Variants in PITPNM2 observed in about 807,000 individuals in gnomAD.
PITPNM2 encodes the protein phosphatidylinositol transfer protein membrane associated 2, also known as membrane-associated phosphatidylinositol transfer protein 2.
Under a neutral mutation model 132.2 loss-of-function variants are expected in PITPNM2, and 35 were observed. The observed-to-expected ratio is 0.26, with a 90% CI of 0.20 to 0.35. The LOEUF is 0.35. Among genes scored for constraint, PITPNM2 ranks in the 10% least tolerant of loss-of-function variants. PITPNM2 has a pLI of 1.00. For synonymous variants in PITPNM2, 738 were observed against 799.2 expected (o/e 0.92, Z 1.29); for missense variants, 1,332 against 1,912.0 (o/e 0.70, Z 5.66).
chr12:123,149,349 C>A (rs896577774), intron 1 of PITPNM2, among the ~76,000 whole-genome samples: 5 of 152,232 alleles, frequency 3.3e-5, no homozygotes, highest in Admixed American at 6.5e-5. Context: ...TGGCAAGCCA[C>A]TCCTTACAAG....
rs2041135007 is a variant in PITPNM2 at position 123,058,944 on chromosome 12, CCAT to C, written c.-95-24262_-95-24260del. Reference sequence around the variant, plus strand: ...CCTCAGCCCCAGCTCCCACCACACCCCATTCCCATTGTCTGGGCCCAAACCATG... The same window carrying C: ...CCTCAGCCCCAGCTCCCACCACACCCTCCCATTGTCTGGGCCCAAACCATG... On this transcript the variant is annotated intron_variant, in intron 2 of 25. Coordinates refer to ENST00000320201, the MANE Select transcript of PITPNM2 (RefSeq NM_020845.3). This position sits in a 1 kb window ranked among gnomAD's most constrained non-coding sequence, Gnocchi z 4.0. Among the ~76,000 whole-genome samples, 1 of 152,200 alleles carries C rather than the reference CCAT, an allele frequency of 6.6e-6. No individual in the cohort carries two copies. Among genetic ancestry groups the C allele is most frequent in the East Asian group, 1.9e-4 (1 of 5,200 alleles).
chr12:123,003,461 A>C (rs969193461), intron 8 of PITPNM2, among the ~76,000 whole-genome samples: 1 of 152,180 alleles, frequency 6.6e-6, no homozygotes, highest in Non-Finnish European at 1.5e-5. Context: ...CGTCCTGGGC[A>C]AGGCTCCTGG....
chr12:123,001,745 T>C (rs1163016980), intron 8 of PITPNM2, among the ~76,000 whole-genome samples: 1 of 152,172 alleles, frequency 6.6e-6, no homozygotes, highest in African/African-American at 2.4e-5. Context: ...AAAAATGCTA[T>C]ATTGACCAGG....
chr12:123,100,095 G>A (rs563797356), intron 2 of PITPNM2, among the ~76,000 whole-genome samples: 5 of 152,334 alleles, frequency 3.3e-5, no homozygotes, highest in Non-Finnish European at 5.9e-5. Context: ...AGAAACTGAG[G>A]TGCAGTGAGT....
At chr12:122,999,506 A>T (rs1258010396) in intron 10 of PITPNM2, among the ~76,000 whole-genome samples, 1 of 152,172 alleles carries the variant, frequency 6.6e-6, no homozygotes, top group African/African-American at 2.4e-5. Flanking sequence ...CAGGGAGGTG[A>T]CATCCAGCGG....
chr12:123,001,290 C>T lies in PITPNM2; in HGVS notation c.1049-132G>A, dbSNP rs935688054. ...ACAGGACGGCCACACAGCCCCACAC[C>T]TTGGGCATCTTCCTGACCATTACAA... On this transcript the variant is annotated intron_variant, in intron 8 of 25. Coordinates refer to ENST00000320201, the MANE Select transcript of PITPNM2 (RefSeq NM_020845.3). 22 of 656,682 alleles carry T rather than the reference C, an allele frequency of 3.4e-5. No homozygotes were observed. In the African/African-American group the frequency reaches 3.6e-4, roughly 11 times the overall value. 40.7% of individuals were successfully genotyped at this position (656,682 alleles called of 1,614,324 possible).
Position 123,001,140 on chromosome 12 carries a change from T to C in PITPNM2, c.1067A>G (p.Glu356Gly). 6.2e-7 allele frequency: 1 copy of C among 1,614,104 alleles called. No homozygotes were observed. The highest frequency in any genetic ancestry group is 1.1e-5 in the South Asian group (1 of 91,082). ...GGTGATGTCCTTGGGGAACATTTCCTCTGTGTCGGACAGGTCCTCTGGAGA... is the reference window on the plus strand; with the variant it reads ...GGTGATGTCCTTGGGGAACATTTCCCCTGTGTCGGACAGGTCCTCTGGAGA... ...FDAHEDLSDTEEMFPKDITKW... is the reference protein window; with the variant it reads ...FDAHEDLSDTGEMFPKDITKW... Residue 356 changes from glutamate to glycine, a missense_variant, in exon 9 of 26, where the codon GAG (glutamate) becomes GGG (glycine). Coordinates refer to ENST00000320201, the MANE Select transcript of PITPNM2 (RefSeq NM_020845.3).
chr12:123,008,468 A>G lies in PITPNM2; in HGVS notation c.643+1382T>C, dbSNP rs1015573622. 6.6e-6 allele frequency among the ~76,000 whole-genome samples: 1 copy of G among 152,192 alleles called. No homozygotes were observed. Among genetic ancestry groups the G allele is most frequent in the Admixed American group, 6.5e-5 (1 of 15,288 alleles). On this transcript the variant is annotated intron_variant, in intron 6 of 25. Coordinates refer to ENST00000320201, the MANE Select transcript of PITPNM2 (RefSeq NM_020845.3). This position sits in a 1 kb window ranked among gnomAD's most constrained non-coding sequence, Gnocchi z 4.1. ...AGGGGAGCCCCTCCCAGTCCTGCCC[A>G]CATGCTCCTCCACTCCTCATATTGC...
intron 2 of PITPNM2, among the ~76,000 whole-genome samples, chr12:123,043,215 G>A (rs1235976576): frequency 6.6e-6 from 1 of 152,044 alleles, no homozygotes; most frequent in Non-Finnish European, 1.5e-5. Flanking sequence ...CAGAGAGCTG[G>A]GTTGGGAACC....
At position 123,106,338 on chromosome 12, in the gene PITPNM2, T is replaced by C. The variant is rs1029085653; in HGVS notation, c.-96+4047A>G. Among the ~76,000 whole-genome samples, 2 of 151,854 alleles carry C rather than the reference T, an allele frequency of 1.3e-5. No homozygotes were observed. The highest frequency in any genetic ancestry group is 2.9e-5 in the Non-Finnish European group (2 of 67,978). On this transcript the variant is annotated intron_variant, in intron 2 of 25. Transcript: ENST00000320201. The surrounding 1 kb of genome is among the most constrained non-coding windows in gnomAD (Gnocchi z 4.4). Reference sequence around the variant, plus strand: ...AGGAATTCAAGGCTGCAGTGAGCCATGATCACACCACTGCACTCCAGCCTG... The same window carrying C: ...AGGAATTCAAGGCTGCAGTGAGCCACGATCACACCACTGCACTCCAGCCTG...
intron 2 of PITPNM2, among the ~76,000 whole-genome samples, chr12:123,072,964 G>C (rs1230719271): frequency 3.3e-5 from 5 of 152,230 alleles, no homozygotes; most frequent in African/African-American, 1.2e-4. Flanking sequence ...CCGAGGCCTG[G>C]TGTTTAGGGA....
In PITPNM2 at chr12:123,000,100, C is replaced by T. The variant is rs190750361; in HGVS notation, c.1224+678G>A. ...CCTCCTCCTCCCCGCCTAGATTCCC[C>T]GGGGGCCCGAGTTCCCCACAGAAGT... On this transcript the variant is annotated intron_variant, in intron 10 of 25. Coordinates refer to ENST00000320201, the MANE Select transcript of PITPNM2 (RefSeq NM_020845.3). This position sits in a 1 kb window ranked among gnomAD's most constrained non-coding sequence, Gnocchi z 5.4. 0.01 allele frequency among the ~76,000 whole-genome samples: 1,561 copies of T among 152,300 alleles called. 17 individuals are homozygous for T. Among genetic ancestry groups the T allele is most frequent in the Non-Finnish European group, 0.015 (994 of 68,014 alleles).
intron 2 of PITPNM2, among the ~76,000 whole-genome samples, chr12:123,098,898 C>T (rs773262352): frequency 6.6e-6 from 1 of 152,204 alleles, no homozygotes; most frequent in Non-Finnish European, 1.5e-5. Flanking sequence ...ATACCATGCA[C>T]TTTGAGTACT....
chr12:123,050,186 A>C (rs1052469132), intron 2 of PITPNM2, among the ~76,000 whole-genome samples: 1 of 152,156 alleles, frequency 6.6e-6, no homozygotes, highest in Non-Finnish European at 1.5e-5. Context: ...AAGTCATCTC[A>C]GCCCTTTCTG....
rs546761760 is a variant in PITPNM2, at chr12:123,145,452, C to T, written c.-200+5301G>A. On this transcript the variant is annotated intron_variant, in intron 1 of 25. Coordinates refer to ENST00000320201, the MANE Select transcript of PITPNM2 (RefSeq NM_020845.3). ...TCCCTGGACCCATGACTCCCGCTGA[C>T]GTCCCTGATCATGACCTCTGATCTT... Among the ~76,000 whole-genome samples, 13 of 152,288 alleles carry T rather than the reference C, an allele frequency of 8.5e-5. No homozygotes were observed. The South Asian group carries it at 2.7e-3, about 32-fold the overall frequency.
At position 122,994,762 on chromosome 12, in the gene PITPNM2, G is replaced by A. The variant is rs375499417; in HGVS notation, c.2233+39C>T. The A allele has an allele frequency of 4.1e-5, 65 of 1,585,214 alleles. No individual in the cohort carries two copies. The African/African-American group carries it at 7.9e-4, about 19-fold the overall frequency. On this transcript the variant is annotated intron_variant, in intron 15 of 25. Transcript: ENST00000320201. This position sits in a 1 kb window ranked among gnomAD's most constrained non-coding sequence, Gnocchi z 5.4. ...ACTGAGACCCCCGCCCCCGCACCCA[G>A]TGCATGTACCCCCCATCCTGCCCCT...
Position 123,012,649 on chromosome 12 carries a change from T to C in PITPNM2, c.379A>G (p.Asn127Asp), listed in dbSNP as rs773141247. 1 of 1,614,130 alleles carries C rather than the reference T, an allele frequency of 6.2e-7. No individual in the cohort carries two copies. The highest frequency in any genetic ancestry group is 8.5e-7 in the Non-Finnish European group (1 of 1,179,952). ...TDAGENPDVF[N>D]LSPVEKNQLT... ...TGGTTCTTTTCCACAGGAGAGAGGT[T>C]GAACACGTCGGGGTTTTCTCCAGCA... Residue 127 changes from asparagine (N) to aspartate (D), a missense_variant, in exon 5 of 26, where the codon AAC (asparagine) becomes GAC (aspartate). By Grantham distance (23) the Asn-to-Asp change is conservative. Around this residue, in one of 6 missense-constraint regions of PITPNM2, gnomAD observed 122 missense variants for 209.6 expected, o/e 0.58. Coordinates refer to ENST00000320201, the MANE Select transcript of PITPNM2 (RefSeq NM_020845.3).
At chr12:123,139,120 A>G (rs1444581305) in intron 1 of PITPNM2, among the ~76,000 whole-genome samples, 1 of 152,152 alleles carries the variant, frequency 6.6e-6, no homozygotes, top group African/African-American at 2.4e-5. Flanking sequence ...CCTGGGAGAG[A>G]GTGAGATCCT....
intron 2 of PITPNM2, among the ~76,000 whole-genome samples, chr12:123,039,055 A>G (rs2040371678): frequency 6.6e-6 from 1 of 150,934 alleles, no homozygotes; most frequent in Non-Finnish European, 1.5e-5. Flanking sequence ...CAATCCAGTA[A>G]GAAGGAACAG....
Sources: allele counts gnomAD v4.1 joint callset (sites outside exome capture counted in the v4.1 genomes callset), GRCh38; gene constraint gnomAD v4.1.1; regional missense constraint gnomAD v4.1.1; non-coding constraint Gnocchi (gnomAD v3.1); transcripts MANE v1.5; gene names NCBI Gene and HGNC (gene_info 2026-07-23, HGNC 2026-07-21).